GLCE: variants seen among roughly 807,000 people sequenced by gnomAD.
GLCE encodes glucuronic acid epimerase.
GLCE carries 19 observed loss-of-function variants against 47.9 expected under a neutral mutation model. That is an observed-to-expected ratio of 0.40 (90% confidence interval 0.28 to 0.58). The LOEUF is 0.58. Among genes scored for constraint, GLCE ranks in the 20% least tolerant of loss-of-function variants. The pLI is 0.48. For missense variants in GLCE, 556 were observed against 743.3 expected (o/e 0.75, Z 2.93); for synonymous variants, 245 against 263.4 (o/e 0.93, Z 0.68).
chr15:69,165,766 CT>C (rs929801711), intron 1 of GLCE, among the ~76,000 whole-genome samples: 22 of 152,174 alleles, frequency 1.4e-4, no homozygotes, highest in South Asian at 2.1e-4. Flanking sequence ...GCATAGTTGG[CT>C]ATCATTACAT....
At chr15:69,259,575 A>G (rs2052983455) in intron 3 of GLCE, among the ~76,000 whole-genome samples, 2 of 152,208 alleles carry the variant, frequency 1.3e-5, no homozygotes, top group African/African-American at 4.8e-5. Flanking sequence ...CCCAATATGT[A>G]TTGAATCATC....
At chr15:69,189,893 T>A (rs1398503332) in intron 1 of GLCE, among the ~76,000 whole-genome samples, 1 of 151,862 alleles carries the variant, frequency 6.6e-6, no homozygotes, top group Non-Finnish European at 1.5e-5. Flanking sequence ...GTCATGGAGG[T>A]TTGTTGTACA....
chr15:69,250,494 C>T (rs2140431659), intron 2 of GLCE, among the ~76,000 whole-genome samples: 1 of 152,026 alleles, frequency 6.6e-6, no homozygotes, highest in South Asian at 2.1e-4. Flanking sequence ...AGTTAACCTT[C>T]CCCTTCTTAG....
Position 69,269,078 on chromosome 15 carries a change from G to A in GLCE, c.1688G>A (p.Arg563His), listed in dbSNP as rs1595795244. The change falls in exon 5 of 5, where the codon CGT becomes CAT. Residue 563 changes from arginine to histidine, a missense_variant. Arg to His is a conservative substitution (Grantham distance 29). Transcript: ENST00000261858. Reference sequence around the variant, plus strand: ...GGCTCAGGAACCATCTATGACCTCCGTCACTTCATGCTTGGCATCGCTCCT... The same window carrying A: ...GGCTCAGGAACCATCTATGACCTCCATCACTTCATGCTTGGCATCGCTCCT... ...DTGSGTIYDL[R>H]HFMLGIAPNL... 6 of 1,614,144 alleles carry A rather than the reference G, an allele frequency of 3.7e-6. No individual in the cohort carries two copies. The highest frequency in any genetic ancestry group is 5.1e-6 in the Non-Finnish European group (6 of 1,180,024).
At chr15:69,193,894 C>CT (rs2051949627) in intron 1 of GLCE, among the ~76,000 whole-genome samples, 1 of 152,070 alleles carries the variant, frequency 6.6e-6, no homozygotes, top group African/African-American at 2.4e-5. Flanking sequence ...TAGTAGGTGT[C>CT]TTTTTTACCT....
chr15:69,264,316 G>A (rs975382473), intron 4 of GLCE, among the ~76,000 whole-genome samples: 10 of 152,002 alleles, frequency 6.6e-5, no homozygotes, highest in Non-Finnish European at 1.5e-4. Flanking sequence ...TGTCACAAAC[G>A]GCAGGATTTC....
intron 2 of GLCE, 150 bp from the exon 3 acceptor site, chr15:69,255,644 G>T: frequency 1.9e-6 from 1 of 514,728 alleles, no homozygotes; most frequent in Non-Finnish European, 3.4e-6. Flanking sequence ...TTTTTGTGCT[G>T]AAAAGTTTGA....
intron 4 of GLCE, among the ~76,000 whole-genome samples, chr15:69,267,843 C>T (rs1191606061): frequency 4.3e-5 from 6 of 140,526 alleles, no homozygotes; most frequent in Admixed American, 7.1e-5. Flanking sequence ...CAGGTTTTGG[C>T]TTTTTTTTTT....
At chr15:69,266,002 A>G (rs377667219) in intron 4 of GLCE, among the ~76,000 whole-genome samples, 3 of 152,206 alleles carry the variant, frequency 2.0e-5, no homozygotes, top group East Asian at 3.8e-4. Context: ...CCATTTTACT[A>G]TAGATGCAGA....
intron 3 of GLCE, among the ~76,000 whole-genome samples, chr15:69,258,831 T>C (rs28638321): frequency 0.26 from 39,486 of 152,122 alleles, 5,383 homozygotes; most frequent in African/African-American, 0.33. Flanking sequence ...GGTGACTAAC[T>C]ATATTTCCAT....
At chr15:69,224,553 C>T (rs1043718065) in intron 2 of GLCE, among the ~76,000 whole-genome samples, 9 of 152,182 alleles carry the variant, frequency 5.9e-5, no homozygotes, top group Non-Finnish European at 4.4e-5. Flanking sequence ...ACAACAATGG[C>T]TGGCAGCCTC....
At chr15:69,177,971 A>G (rs2051695301) in intron 1 of GLCE, among the ~76,000 whole-genome samples, 1 of 152,224 alleles carries the variant, frequency 6.6e-6, no homozygotes, top group Non-Finnish European at 1.5e-5. Context: ...ATATCCCATT[A>G]TATGGGTATA....
chr15:69,191,517 T>G (rs1330797924), intron 1 of GLCE, among the ~76,000 whole-genome samples: 3 of 152,164 alleles, frequency 2.0e-5, no homozygotes, highest in Non-Finnish European at 4.4e-5. Context: ...TCATGCAGGA[T>G]ACATTTAATT....
At chr15:69,191,872 T>C (rs968883645) in intron 1 of GLCE, among the ~76,000 whole-genome samples, 1 of 152,144 alleles carries the variant, frequency 6.6e-6, no homozygotes, top group African/African-American at 2.4e-5. Flanking sequence ...TGCCTTGTTT[T>C]TTTCCTTTTC....
At chr15:69,161,286 A>G (rs1246262286) in intron 1 of GLCE, among the ~76,000 whole-genome samples, 1 of 151,572 alleles carries the variant, frequency 6.6e-6, no homozygotes, top group African/African-American at 2.4e-5. Flanking sequence ...CATTGCTGGG[A>G]TGAAGAAGCA....
chr15:69,199,361 A>G (rs2052043899), intron 1 of GLCE, among the ~76,000 whole-genome samples: 1 of 152,168 alleles, frequency 6.6e-6, no homozygotes. Flanking sequence ...ATACCCTTTT[A>G]TGACATGGAT....
chr15:69,262,739 A>G (rs1413505521), intron 4 of GLCE, among the ~76,000 whole-genome samples: 2 of 152,152 alleles, frequency 1.3e-5, no homozygotes, highest in African/African-American at 4.8e-5. Flanking sequence ...GGTTTTAAGC[A>G]TATAGAGGAG....
intron 1 of GLCE, among the ~76,000 whole-genome samples, chr15:69,182,431 G>A (rs1250527365): frequency 6.6e-6 from 1 of 152,028 alleles, no homozygotes; most frequent in Non-Finnish European, 1.5e-5. Flanking sequence ...ATGCAGCTCT[G>A]TAGGTATCAA....
chr15:69,265,244 C>T (rs991369877), intron 4 of GLCE, among the ~76,000 whole-genome samples: 17 of 151,950 alleles, frequency 1.1e-4, no homozygotes, highest in Non-Finnish European at 2.1e-4. Context: ...TGGGTCATGG[C>T]TTTCAAACAA....
Sources: gnomAD v4.1 joint callset for allele counts (sites outside exome capture counted in the v4.1 genomes callset) on GRCh38, gnomAD v4.1.1 for gene constraint, MANE v1.5 for transcripts, NCBI Gene and HGNC (gene_info 2026-07-23, HGNC 2026-07-21) for gene names.